Variants in AGTPBP1 observed in about 807,000 individuals in gnomAD.
AGTPBP1 encodes the protein ATP/GTP binding carboxypeptidase 1.
Under a neutral mutation model 143.9 loss-of-function variants are expected in AGTPBP1, and 70 were observed. The ratio of observed to expected loss-of-function variants is 0.49; its 90% CI spans 0.40 to 0.59. The LOEUF is 0.59. AGTPBP1 is among the 20% of genes least tolerant of loss of function. The pLI, the probability that AGTPBP1 is intolerant of heterozygous loss-of-function variation, is 0.00. For missense variants in AGTPBP1, 1,229 were observed against 1,464.5 expected (o/e 0.84, Z 2.62); for synonymous variants, 463 against 500.2 (o/e 0.93, Z 0.99).
rs1827827927 is a variant in AGTPBP1 at position 85,575,301 on chromosome 9, C to T, written c.3503+14G>A. The T allele has an allele frequency of 6.4e-7, 1 of 1,563,238 alleles. No homozygotes were observed. Among genetic ancestry groups the T allele is most frequent in the Non-Finnish European group, 8.6e-7 (1 of 1,164,478 alleles). On this transcript the variant is annotated intron_variant, in intron 25 of 25. Transcript: ENST00000357081. ...TACTACAATATAATAAAAGAAAAAA[C>T]AATTTTTTCCTACCTAGTTACTTTG...
intron 1 of AGTPBP1, among the ~76,000 whole-genome samples, chr9:85,732,512 C>A (rs1445068926): frequency 6.6e-6 from 1 of 151,914 alleles, no homozygotes; most frequent in African/African-American, 2.4e-5. Flanking sequence ...ACCACTATAA[C>A]CCAAAGTCAG....
chr9:85,612,631 G>A (rs1257098510), intron 17 of AGTPBP1, among the ~76,000 whole-genome samples: 1 of 152,196 alleles, frequency 6.6e-6, no homozygotes, highest in East Asian at 1.9e-4. Flanking sequence ...CCAAGTCAGA[G>A]AGAAGTATGG....
At position 85,672,691 on chromosome 9, in the gene AGTPBP1, A is replaced by G; in HGVS notation, c.437-10T>C. On this transcript the variant is annotated splice_polypyrimidine_tract_variant and intron_variant, in intron 6 of 25. Transcript: ENST00000357081. ...ACTCCAAATTTTTTATCTGTTTAAAAAAAAAAAAGACAATTTATGCACATA... is the reference window on the plus strand; with the variant it reads ...ACTCCAAATTTTTTATCTGTTTAAAGAAAAAAAAGACAATTTATGCACATA... 6.4e-7 allele frequency: 1 copy of G among 1,571,454 alleles called. No individual in the cohort carries two copies. Among genetic ancestry groups the G allele is most frequent in the Non-Finnish European group, 8.6e-7 (1 of 1,164,066 alleles).
At chr9:85,720,523 G>T (rs7851290) in intron 1 of AGTPBP1, among the ~76,000 whole-genome samples, 151,624 of 152,296 alleles carry the variant, frequency 1, 75,481 homozygotes, top group Middle Eastern at 1. Flanking sequence ...TTTATCATTT[G>T]TTATTGCATC....
chr9:85,592,568 T>A lies in AGTPBP1; in HGVS notation c.2560A>T (p.Thr854Ser), dbSNP rs1829040155. ...TAATTTAGAGTTCTTACCTGTAAAG[T>A]TGAATACGTATATGGATAGTGATAA... The part of the protein sequence containing the change: ...FAYHYPYTYS[T>S]LQMHLQKLES... Residue 854 changes from threonine (T) to serine (S), a missense_variant, in exon 19 of 26, where the codon ACT becomes TCT. Coordinates refer to ENST00000357081, the MANE Select transcript of AGTPBP1 (RefSeq NM_001330701.2). 1 of 1,593,856 alleles carries A rather than the reference T, an allele frequency of 6.3e-7. No homozygotes were observed. Among genetic ancestry groups the A allele is most frequent in the African/African-American group, 1.4e-5 (1 of 73,962 alleles).
At chr9:85,641,090 T>C (rs1344468545) in intron 13 of AGTPBP1, among the ~76,000 whole-genome samples, 1 of 152,200 alleles carries the variant, frequency 6.6e-6, no homozygotes, top group Non-Finnish European at 1.5e-5. Context: ...AGTCACTCAG[T>C]AGCCATCTGC....
chr9:85,710,648 A>T (rs1231642579), intron 2 of AGTPBP1, among the ~76,000 whole-genome samples: 2 of 152,016 alleles, frequency 1.3e-5, no homozygotes, highest in African/African-American at 2.4e-5. Flanking sequence ...GACGAAGACT[A>T]TTTGCAGTGA....
chr9:85,708,127 T>C (rs1362471770), intron 2 of AGTPBP1, among the ~76,000 whole-genome samples: 8 of 152,176 alleles, frequency 5.3e-5, no homozygotes, highest in Non-Finnish European at 7.3e-5. Context: ...TGAGGGAGAA[T>C]CCATTTCCTT....
the AGTPBP1 span, chr9:85,770,621 T>A: frequency 5.2e-6 from 3 of 572,998 alleles, no homozygotes; most frequent in African/African-American, 5.6e-5. Flanking sequence ...AATTTGAGCA[T>A]GATTTCTCTT....
rs1832586173 is a variant in AGTPBP1 at position 85,642,950 on chromosome 9, T to C, written c.1186-7A>G. 1.3e-6 allele frequency: 2 copies of C among 1,599,126 alleles called. No homozygotes were observed. Among genetic ancestry groups the C allele is most frequent in the Non-Finnish European group, 1.7e-6 (2 of 1,169,122 alleles). ...CTGTTTCAATATCATCATTCTGAAA[T>C]GATAAAAAGAGTATGTTATCAGGTA... On this transcript the variant is annotated splice_region_variant and splice_polypyrimidine_tract_variant and intron_variant, in intron 12 of 25. Coordinates refer to ENST00000357081, the MANE Select transcript of AGTPBP1 (RefSeq NM_001330701.2).
At chr9:85,761,311 G>A in the AGTPBP1 span, among the ~76,000 whole-genome samples, 2 of 152,208 alleles carry the variant, frequency 1.3e-5, no homozygotes, top group African/African-American at 4.8e-5. Flanking sequence ...AGCCCACATT[G>A]CCAAGACAAT....
intron 23 of AGTPBP1, among the ~76,000 whole-genome samples, chr9:85,583,429 T>C (rs957576382): frequency 1.1e-4 from 17 of 152,292 alleles, no homozygotes; most frequent in African/African-American, 4.1e-4. Flanking sequence ...AAGTTGACTG[T>C]GTCTAATGCA....
At chr9:85,704,950 G>GA (rs988506749) in intron 2 of AGTPBP1, among the ~76,000 whole-genome samples, 1 of 151,274 alleles carries the variant, frequency 6.6e-6, no homozygotes, top group East Asian at 1.9e-4. Flanking sequence ...TTATGTGTCA[G>GA]AAAAAAAAGA....
At chr9:85,740,666 T>G (rs1323435252) in intron 1 of AGTPBP1, among the ~76,000 whole-genome samples, 1 of 152,176 alleles carries the variant, frequency 6.6e-6, no homozygotes, top group Admixed American at 6.5e-5. Flanking sequence ...AAAGGATAAT[T>G]TGATTTACAT....
chr9:85,664,993 A>G (rs1456249217), intron 8 of AGTPBP1, among the ~76,000 whole-genome samples: 1 of 152,172 alleles, frequency 6.6e-6, no homozygotes, highest in African/African-American at 2.4e-5. Flanking sequence ...CAAAGTTAAG[A>G]CACAGCTAAC....
At chr9:85,759,997 G>A in the AGTPBP1 span, among the ~76,000 whole-genome samples, 3 of 152,152 alleles carry the variant, frequency 2.0e-5, no homozygotes, top group East Asian at 3.9e-4. Context: ...ACACCTCTAC[G>A]CAAATAAACT....
At chr9:85,690,834 T>C (rs947776133) in intron 3 of AGTPBP1, among the ~76,000 whole-genome samples, 3 of 150,956 alleles carry the variant, frequency 2.0e-5, no homozygotes, top group Admixed American at 6.6e-5. Context: ...CATTCTCTAA[T>C]AGTGGTATGG....
At chr9:85,674,410 T>A (rs1036109586) in intron 6 of AGTPBP1, among the ~76,000 whole-genome samples, 13 of 152,072 alleles carry the variant, frequency 8.5e-5, no homozygotes, top group Non-Finnish European at 1.8e-4. Context: ...TAAATATTTT[T>A]AAAATCAATA....
chr9:85,547,287 C>T lies in AGTPBP1; in HGVS notation c.3504-1G>A, dbSNP rs1466345300. ...TTCATCCAAGACATAAGTGGTAGGG[C>T]TGCAGCCAAAACACACAGAACATAC... On this transcript the variant is annotated splice_acceptor_variant, in intron 25 of 25. Coordinates refer to ENST00000357081, the MANE Select transcript of AGTPBP1 (RefSeq NM_001330701.2). LOFTEE classifies it high-confidence loss of function. 1.9e-6 allele frequency: 3 copies of T among 1,606,402 alleles called. No homozygotes were observed. Among genetic ancestry groups the T allele is most frequent in the East Asian group, 2.3e-5 (1 of 44,416 alleles).
Sources: gnomAD v4.1 joint callset for allele counts (sites outside exome capture counted in the v4.1 genomes callset) on GRCh38, gnomAD v4.1.1 for gene constraint, MANE v1.5 for transcripts, NCBI Gene and HGNC (gene_info 2026-07-23, HGNC 2026-07-21) for gene names.